Variants in PLCH1 observed in about 807,000 individuals in gnomAD.
PLCH1 encodes phospholipase C eta 1.
In PLCH1, 60 loss-of-function variants were observed where a neutral mutation model predicts 126.7. The ratio of observed to expected loss-of-function variants is 0.47; its 90% CI spans 0.38 to 0.59. The LOEUF is 0.59. Among genes scored for constraint, PLCH1 ranks in the 20% least tolerant of loss-of-function variants. The pLI, the probability that PLCH1 is intolerant of heterozygous loss-of-function variation, is 0.00. For synonymous variants in PLCH1, 719 were observed against 734.9 expected, an observed-to-expected ratio of 0.98 and a Z score of 0.35; for missense variants, 1,723 against 2,040.0, an observed-to-expected ratio of 0.84 and a Z score of 2.99.
rs895680333 is a variant in PLCH1 at position 155,453,393 on chromosome 3, G to GT, written c.2938+31962dup. On this transcript the variant is annotated intron_variant, in intron 21 of 21. Coordinates refer to the PLCH1 transcript ENST00000494598. Reference sequence around the variant, plus strand: ...TCCTGATTCTGATCATTTTACTGTGGTTTTTTGAGATGAAACATTTGGGGG... The same window carrying GT: ...TCCTGATTCTGATCATTTTACTGTGGTTTTTTTGAGATGAAACATTTGGGGG... Among the ~76,000 whole-genome samples, 9 of 152,230 alleles carry GT rather than the reference G, an allele frequency of 5.9e-5. No individual in the cohort carries two copies. The South Asian group carries it at 8.3e-4, about 14-fold the overall frequency.
At chr3:155,661,244 G>C (rs1378831968) in intron 2 of PLCH1, among the ~76,000 whole-genome samples, 1 of 152,196 alleles carries the variant, frequency 6.6e-6, no homozygotes, top group Non-Finnish European at 1.5e-5. Flanking sequence ...AGACCAGAGA[G>C]ATAGAGAGCA....
chr3:155,642,217 T>TA (rs944030813), intron 2 of PLCH1, among the ~76,000 whole-genome samples: 3 of 152,210 alleles, frequency 2.0e-5, no homozygotes, highest in Non-Finnish European at 4.4e-5. Context: ...ACACAGCCTG[T>TA]AAGTGGTGGA....
intron 1 of PLCH1, among the ~76,000 whole-genome samples, chr3:155,731,065 C>T (rs568197674): frequency 2.0e-5 from 3 of 152,348 alleles, no homozygotes; most frequent in African/African-American, 7.2e-5. Context: ...ACTTGTTCTC[C>T]AGGTTTGCTC....
Position 155,693,381 on chromosome 3 carries a change from C to T in PLCH1, c.79+10765G>A, listed in dbSNP as rs1183138682. 1.1e-4 allele frequency among the ~76,000 whole-genome samples: 6 copies of T among 56,528 alleles called. 1 individual carries two copies. The highest frequency in any genetic ancestry group is 3.8e-4 in the African/African-American group (2 of 5,256). The allele number at this position is 56,528 out of a possible 152,430, so 37.1% of individuals were successfully genotyped here. ...TCGGGAGGCTGAGGCAGGAGAATGG[C>T]GTGAACCCGGGAAGCGGAGCTTGCA... On this transcript the variant is annotated intron_variant, in intron 2 of 22. Transcript: ENST00000460012.
intron 1 of PLCH1, among the ~76,000 whole-genome samples, chr3:155,719,438 C>T (rs1747780794): frequency 6.6e-6 from 1 of 151,976 alleles, no homozygotes; most frequent in Non-Finnish European, 1.5e-5. Flanking sequence ...ATGGGTGCAG[C>T]ACACCAACAT....
chr3:155,488,629 G>A, intron 20 of PLCH1, 31 bp downstream of exon 20: 1 of 1,581,018 alleles, frequency 6.3e-7, no homozygotes, highest in Non-Finnish European at 8.6e-7. Context: ...GGAATGGTCA[G>A]TCTAGAGAGA....
At chr3:155,469,421 T>C (rs1713075576) in intron 21 of PLCH1, among the ~76,000 whole-genome samples, 1 of 151,944 alleles carries the variant, frequency 6.6e-6, no homozygotes, top group South Asian at 2.1e-4. Flanking sequence ...GCTCGGAGGG[T>C]CCTACGCCCA....
intron 4 of PLCH1, 51 bp from the exon 5 acceptor site, chr3:155,586,245 GCT>G: frequency 6.3e-7 from 1 of 1,590,718 alleles, no homozygotes; most frequent in Non-Finnish European, 8.6e-7. Flanking sequence ...ATTAAAAACT[GCT>G]CTCTCACAGA....
chr3:155,455,155 A>G (rs1425676059), intron 21 of PLCH1, among the ~76,000 whole-genome samples: 1 of 152,182 alleles, frequency 6.6e-6, no homozygotes, highest in Middle Eastern at 3.2e-3. Flanking sequence ...GTGATGAACT[A>G]GGGAAGGTGA....
At position 155,656,223 on chromosome 3, in the gene PLCH1, T is replaced by G. The variant is rs78985776; in HGVS notation, c.79+47923A>C. On this transcript the variant is annotated intron_variant, in intron 2 of 22. Coordinates refer to ENST00000460012, the MANE Select transcript of PLCH1 (RefSeq NM_014996.4). ...GAAGCACCAGACCAATGTGATTTAA[T>G]GGGTGAAATTCTACCAAAGCTTCAA... is the stretch of plus-strand genomic sequence containing the variant. Among the ~76,000 whole-genome samples the G allele has an allele frequency of 1.6e-3, 240 of 150,822 alleles. 1 individual carries two copies. The highest frequency in any genetic ancestry group is 5.6e-3 in the African/African-American group (230 of 41,250).
chr3:155,537,758 C>G (rs1723639491), intron 10 of PLCH1, among the ~76,000 whole-genome samples: 2 of 152,014 alleles, frequency 1.3e-5, no homozygotes, highest in South Asian at 4.1e-4. Context: ...ACAGTTACTA[C>G]TAGACCTAAG....
At chr3:155,458,583 G>A (rs371359479) in intron 21 of PLCH1, among the ~76,000 whole-genome samples, 5,717 of 141,640 alleles carry the variant, frequency 0.04, 175 homozygotes, top group Middle Eastern at 0.14. Flanking sequence ...AGAAAGAAAG[G>A]AAGAAAGAAA....
intron 21 of PLCH1, among the ~76,000 whole-genome samples, chr3:155,452,405 AACCATATC>A (rs746984812): frequency 2.0e-5 from 3 of 152,116 alleles, no homozygotes; most frequent in Non-Finnish European, 2.9e-5. Flanking sequence ...CACAGAGCCA[AACCATATC>A]ACCCTGTTTC....
intron 21 of PLCH1, among the ~76,000 whole-genome samples, chr3:155,453,031 G>A (rs1712347652): frequency 6.6e-6 from 1 of 152,160 alleles, no homozygotes; most frequent in African/African-American, 2.4e-5. Context: ...CTCTGATAAT[G>A]CTGGTGATAG....
At chr3:155,548,437 A>C (rs983289637) in intron 10 of PLCH1, among the ~76,000 whole-genome samples, 1 of 152,204 alleles carries the variant, frequency 6.6e-6, no homozygotes, top group African/African-American at 2.4e-5. Flanking sequence ...ATTCATCCTG[A>C]TGCCATAAGC....
chr3:155,524,884 G>T (rs1721697769), intron 10 of PLCH1, among the ~76,000 whole-genome samples: 1 of 152,154 alleles, frequency 6.6e-6, no homozygotes, highest in African/African-American at 2.4e-5. Flanking sequence ...AGGCATGGTA[G>T]CATGTGCCTA....
intron 10 of PLCH1, among the ~76,000 whole-genome samples, chr3:155,542,518 G>T (rs576848929): frequency 6.6e-6 from 1 of 152,158 alleles, no homozygotes; most frequent in Non-Finnish European, 1.5e-5. Flanking sequence ...CCGTCTGACA[G>T]CTTTGAAGAG....
At chr3:155,726,493 T>G (rs1341311876) in intron 1 of PLCH1, among the ~76,000 whole-genome samples, 1 of 152,198 alleles carries the variant, frequency 6.6e-6, no homozygotes, top group Non-Finnish European at 1.5e-5. Flanking sequence ...TCTTTTGTGT[T>G]CTGCAGTTTA....
At chr3:155,607,778 T>C (rs188528390) in intron 2 of PLCH1, among the ~76,000 whole-genome samples, 19 of 152,222 alleles carry the variant, frequency 1.2e-4, no homozygotes, top group Admixed American at 6.5e-5. Context: ...AATATAGGCA[T>C]TTGGGAAGAA....
Sources: gnomAD v4.1 joint callset for allele counts (sites outside exome capture counted in the v4.1 genomes callset) on GRCh38, gnomAD v4.1.1 for gene constraint, MANE v1.5 for transcripts, NCBI Gene and HGNC (gene_info 2026-07-23, HGNC 2026-07-21) for gene names.